FRMD5: variants seen among roughly 807,000 people sequenced by gnomAD.
The protein encoded by FRMD5 is FERM domain-containing protein 5.
In FRMD5, 20 loss-of-function variants were observed where a neutral mutation model predicts 69.0. The ratio of observed to expected loss-of-function variants is 0.29; its 90% CI spans 0.20 to 0.42. The LOEUF is 0.42. Ranked by LOEUF, FRMD5 falls within the 10% of genes least tolerant of loss-of-function variation. The pLI is 1.00. For synonymous variants in FRMD5, 271 were observed against 260.1 expected (o/e 1.04, Z -0.40); for missense variants, 595 against 708.6 (o/e 0.84, Z 1.82).
At chr15:44,173,701 A>T (rs145009352) in intron 1 of FRMD5, among the ~76,000 whole-genome samples, 3 of 152,056 alleles carry the variant, frequency 2.0e-5, no homozygotes, top group African/African-American at 7.2e-5. Flanking sequence ...TGTAGTAGAG[A>T]CAGGGTTTCA....
intron 1 of FRMD5, among the ~76,000 whole-genome samples, chr15:43,984,977 G>C (rs1239692243): frequency 1.4e-5 from 1 of 71,416 alleles, no homozygotes; most frequent in Admixed American, 1.9e-4. Flanking sequence ...GAACAACTCT[G>C]TCTAGAAAAA....
At chr15:44,106,741 A>C (rs1045998420) in intron 1 of FRMD5, among the ~76,000 whole-genome samples, 1 of 148,670 alleles carries the variant, frequency 6.7e-6, no homozygotes, top group Admixed American at 6.7e-5. Context: ...CTTCACCTCT[A>C]AACTGTGAGG....
chr15:43,899,021 C>A (rs1490178969), intron 7 of FRMD5, among the ~76,000 whole-genome samples: 1 of 152,212 alleles, frequency 6.6e-6, no homozygotes. Context: ...GTTCTGCTCT[C>A]ATTTAATTAT....
chr15:43,895,396 G>A (rs890707390), intron 7 of FRMD5, among the ~76,000 whole-genome samples: 1 of 152,170 alleles, frequency 6.6e-6, no homozygotes, highest in Non-Finnish European at 1.5e-5. Flanking sequence ...AGAGCAAAGG[G>A]AATACACAGT....
intron 4 of FRMD5, among the ~76,000 whole-genome samples, chr15:43,916,583 A>G (rs1255371237): frequency 6.6e-6 from 1 of 152,210 alleles, no homozygotes; most frequent in East Asian, 1.9e-4. Context: ...GGTAGATATC[A>G]CTATCCCCAT....
intron 6 of FRMD5, among the ~76,000 whole-genome samples, chr15:43,902,792 T>C (rs549611379): frequency 6.6e-6 from 1 of 152,198 alleles, no homozygotes; most frequent in South Asian, 2.1e-4. Flanking sequence ...TTTAAAATAC[T>C]ATGGGGTAAA....
intron 1 of FRMD5, among the ~76,000 whole-genome samples, chr15:43,973,391 A>G (rs1242484554): frequency 6.8e-6 from 1 of 147,116 alleles, no homozygotes; most frequent in African/African-American, 2.5e-5. Flanking sequence ...TTTGAGACAG[A>G]GTCTTGCTCT....
intron 1 of FRMD5, among the ~76,000 whole-genome samples, chr15:43,983,292 T>C (rs1486402052): frequency 1.3e-5 from 2 of 152,238 alleles, no homozygotes; most frequent in Non-Finnish European, 2.9e-5. Flanking sequence ...CTAATGTATC[T>C]ATACATAAGC....
chr15:44,004,269 T>G (rs934749584), intron 1 of FRMD5, among the ~76,000 whole-genome samples: 1 of 152,260 alleles, frequency 6.6e-6, no homozygotes, highest in African/African-American at 2.4e-5. Flanking sequence ...TTATTTAACA[T>G]GTATGTATAC....
chr15:44,142,810 C>T (rs763829305), intron 1 of FRMD5, among the ~76,000 whole-genome samples: 1 of 152,148 alleles, frequency 6.6e-6, no homozygotes, highest in Admixed American at 6.5e-5. Context: ...TAAACGTAGG[C>T]CGGGCCGCAG....
At chr15:43,998,840 G>A (rs937768956) in intron 1 of FRMD5, among the ~76,000 whole-genome samples, 15 of 152,168 alleles carry the variant, frequency 9.9e-5, no homozygotes, top group South Asian at 2.1e-4. Context: ...CCGCCCTGCC[G>A]TGAGATAGGC....
At chr15:44,060,409 A>C (rs533644146) in intron 1 of FRMD5, among the ~76,000 whole-genome samples, 14 of 152,310 alleles carry the variant, frequency 9.2e-5, no homozygotes, top group Admixed American at 7.8e-4. Context: ...GACAAATTAA[A>C]TCATTCAGCT....
At chr15:43,927,233 G>A (rs1413621753) in intron 1 of FRMD5, among the ~76,000 whole-genome samples, 1 of 152,188 alleles carries the variant, frequency 6.6e-6, no homozygotes, top group African/African-American at 2.4e-5. Context: ...GGTGTCAAGA[G>A]CCTGGACACC....
chr15:43,929,326 C>T (rs1050316465), intron 1 of FRMD5, among the ~76,000 whole-genome samples: 1 of 152,150 alleles, frequency 6.6e-6, no homozygotes, highest in African/African-American at 2.4e-5. Flanking sequence ...TTTATTTTAA[C>T]CCATCATGGA....
intron 1 of FRMD5, among the ~76,000 whole-genome samples, chr15:44,030,849 G>A (rs965043054): frequency 2.6e-5 from 4 of 152,128 alleles, no homozygotes; most frequent in Non-Finnish European, 4.4e-5. Flanking sequence ...AAACTTAAGA[G>A]TGCAAAGTCT....
chr15:43,893,136 A>C (rs2088834009), intron 7 of FRMD5, among the ~76,000 whole-genome samples: 1 of 152,156 alleles, frequency 6.6e-6, no homozygotes, highest in South Asian at 2.1e-4. Context: ...AACAAAAAAA[A>C]AAAAAAACAT....
intron 1 of FRMD5, chr15:43,988,916 T>C (rs1286592256): frequency 1.7e-5 from 9 of 521,850 alleles, no homozygotes; most frequent in Non-Finnish European, 3.0e-5. Context: ...GCTGTCACCT[T>C]CACCATTCCA....
At chr15:44,125,539 G>A (rs1421258398) in intron 1 of FRMD5, among the ~76,000 whole-genome samples, 3 of 152,128 alleles carry the variant, frequency 2.0e-5, no homozygotes, top group Non-Finnish European at 4.4e-5. Flanking sequence ...CTTTACCTCA[G>A]GGCCTATGGA....
intron 1 of FRMD5, among the ~76,000 whole-genome samples, chr15:43,941,520 G>A (rs1177200087): frequency 6.6e-6 from 1 of 152,166 alleles, no homozygotes; most frequent in Non-Finnish European, 1.5e-5. Context: ...TTCTCAATAT[G>A]TTGTAATTAT....
Sources: allele counts gnomAD v4.1 joint callset (sites outside exome capture counted in the v4.1 genomes callset), GRCh38; gene constraint gnomAD v4.1.1; transcripts MANE v1.5; gene names NCBI Gene and HGNC (gene_info 2026-07-23, HGNC 2026-07-21).